MAPT: variants seen among roughly 807,000 people sequenced by gnomAD.
MAPT encodes microtubule associated protein tau.
A neutral mutation model predicts 67.9 loss-of-function variants in MAPT; 34 were observed. The ratio of observed to expected loss-of-function variants is 0.50; its 90% CI spans 0.38 to 0.67. The LOEUF is 0.67. Among genes scored for constraint, MAPT ranks in the 30% least tolerant of loss-of-function variants. MAPT has a pLI of 0.00. For synonymous variants in MAPT, 456 were observed against 464.5 expected (o/e 0.98, Z 0.23); for missense variants, 881 against 1,115.2 (o/e 0.79, Z 2.99).
chr17:45,929,473 T>C (rs540458772), intron 1 of MAPT, among the ~76,000 whole-genome samples: 1 of 152,354 alleles, frequency 6.6e-6, no homozygotes, highest in East Asian at 1.9e-4. Flanking sequence ...CCAGCTTAGG[T>C]ACAGCTGGAT....
At chr17:45,934,882 T>A (rs62061717) in intron 1 of MAPT, among the ~76,000 whole-genome samples, 21,743 of 151,826 alleles carry the variant, frequency 0.14, 2,119 homozygotes, top group Middle Eastern at 0.22. Flanking sequence ...CCTTTTTGAG[T>A]TTCCCCCCCG....
At chr17:45,917,640 A>C (rs1205728913) in intron 1 of MAPT, among the ~76,000 whole-genome samples, 2 of 152,174 alleles carry the variant, frequency 1.3e-5, no homozygotes, top group African/African-American at 4.8e-5. Context: ...GAAGTTAATA[A>C]GGTTTTTCTT....
At chr17:45,939,096 A>G (rs113537106) in intron 1 of MAPT, among the ~76,000 whole-genome samples, 21,810 of 152,050 alleles carry the variant, frequency 0.14, 2,140 homozygotes, top group Middle Eastern at 0.22. Flanking sequence ...TTACAGGTGT[A>G]AGCCAACATG....
rs1263837499 is a variant in MAPT, at chr17:46,018,597, CTT to C, written c.2174-20_2174-19del. 6.6e-7 allele frequency: 1 copy of C among 1,515,988 alleles called. No individual in the cohort carries two copies. Among genetic ancestry groups the C allele is most frequent in the African/African-American group, 1.4e-5 (1 of 72,926 alleles). 93.9% of individuals were successfully genotyped at this position (1,515,988 alleles called of 1,614,324 possible). ...CCACAGAAGATGATGGCAAGATGCT[CTT>C]GTGTGTGTTGTGTTCTAGGAGGTGG... On this transcript the variant is annotated intron_variant, in intron 11 of 12. Transcript: ENST00000262410.
chr17:45,983,226 G>GC lies in MAPT; in HGVS notation c.653dup (p.Gly219ArgfsTer18), dbSNP rs953116486. On this transcript the variant is annotated frameshift_variant, in exon 5 of 13. Transcript: ENST00000262410. LOFTEE classifies it high-confidence loss of function. Reference sequence around the variant, plus strand: ...CAGGAAGGCTTCCTCCGAGAGCCAGGCCCCCCAGGTCTGAGCCACCAGCTC... The same window carrying GC: ...CAGGAAGGCTTCCTCCGAGAGCCAGGCCCCCCCAGGTCTGAGCCACCAGCTC... The GC allele has an allele frequency of 6.4e-5, 103 of 1,606,150 alleles. No homozygotes were observed. Among genetic ancestry groups the GC allele is most frequent in the Non-Finnish European group, 8.4e-5 (99 of 1,176,744 alleles).
intron 12 of MAPT, among the ~76,000 whole-genome samples, chr17:46,021,514 G>T (rs1028502329): frequency 6.6e-6 from 1 of 152,172 alleles, no homozygotes; most frequent in Admixed American, 6.5e-5. Flanking sequence ...TGATTTCCTG[G>T]GTGAAAGGAG....
At chr17:45,899,122 C>T (rs2063462138) in intron 1 of MAPT, among the ~76,000 whole-genome samples, 1 of 152,172 alleles carries the variant, frequency 6.6e-6, no homozygotes, top group African/African-American at 2.4e-5. Context: ...TCCTCATGTT[C>T]CAGCAGGGAC....
chr17:45,991,827 C>T (rs998366134), intron 8 of MAPT, among the ~76,000 whole-genome samples: 3 of 150,956 alleles, frequency 2.0e-5, no homozygotes, highest in African/African-American at 7.3e-5. Context: ...TTTTGTTATC[C>T]AGGCCGGAGT....
intron 9 of MAPT, among the ~76,000 whole-genome samples, chr17:46,004,195 G>C (rs879269161): frequency 6.6e-5 from 10 of 152,204 alleles, no homozygotes; most frequent in Non-Finnish European, 1.3e-4. Context: ...GTGAGGCACG[G>C]ACGGGGCTGT....
intron 1 of MAPT, among the ~76,000 whole-genome samples, chr17:45,922,487 ACAC>A (rs1376502970): frequency 3.3e-5 from 1 of 30,274 alleles, no homozygotes; most frequent in African/African-American, 1.2e-4. Flanking sequence ...TAGCTAGAGA[ACAC>A]ACACACACAC....
intron 1 of MAPT, among the ~76,000 whole-genome samples, chr17:45,903,896 A>T (rs1405076074): frequency 1.7e-4 from 5 of 29,300 alleles, no homozygotes; most frequent in Middle Eastern, 0.017. Flanking sequence ...TTTATATATT[A>T]TATATATTTA....
At chr17:45,913,904 T>C (rs2064977329) in intron 1 of MAPT, among the ~76,000 whole-genome samples, 1 of 152,144 alleles carries the variant, frequency 6.6e-6, no homozygotes, top group Non-Finnish European at 1.5e-5. Context: ...CCTTGGGCTT[T>C]CATGATGCTC....
In MAPT at chr17:45,971,048, T is replaced by A. The variant is rs1598210096; in HGVS notation, c.134-811T>A. ...CCCTGGATACTGCATGATGCATTGA[T>A]AAGCCCATAAAATAACCAGGGCAGA... On this transcript the variant is annotated intron_variant, in intron 2 of 12. Coordinates refer to ENST00000262410, the MANE Select transcript of MAPT (RefSeq NM_001377265.1). The surrounding 1 kb of genome is among the most constrained non-coding windows in gnomAD (Gnocchi z 4.3). 6.6e-6 allele frequency among the ~76,000 whole-genome samples: 1 copy of A among 152,192 alleles called. No individual in the cohort carries two copies. The highest frequency in any genetic ancestry group is 1.5e-5 in the Non-Finnish European group (1 of 68,040).
Position 45,983,449 on chromosome 17 carries a change from G to C in MAPT, c.870G>C (p.Lys290Asn). Residue 290 changes from lysine (K) to asparagine (N), a missense_variant, in exon 5 of 13, where the codon AAG (lysine) becomes AAC (asparagine). Coordinates refer to ENST00000262410, the MANE Select transcript of MAPT (RefSeq NM_001377265.1). ...GAGGKERPGS[K>N]EEVDEDRDVD... ...GGGGCAAAGAGAGGCCGGGGAGCAAGGAGGAGGTGGATGAAGACCGCGACG... is the reference window on the plus strand; with the variant it reads ...GGGGCAAAGAGAGGCCGGGGAGCAACGAGGAGGTGGATGAAGACCGCGACG... The C allele has an allele frequency of 6.2e-7, 1 of 1,607,176 alleles. No individual in the cohort carries two copies. The highest frequency in any genetic ancestry group is 2.2e-5 in the East Asian group (1 of 44,734).
intron 1 of MAPT, among the ~76,000 whole-genome samples, chr17:45,946,317 T>C (rs772707741): frequency 1.4e-4 from 21 of 151,778 alleles, no homozygotes; most frequent in Non-Finnish European, 2.7e-4. Flanking sequence ...AAAAACAGTA[T>C]TGGGCCAGGC....
chr17:46,015,683 AAAAC>A (rs936495989), intron 11 of MAPT, among the ~76,000 whole-genome samples: 18 of 152,276 alleles, frequency 1.2e-4, no homozygotes, highest in African/African-American at 3.4e-4. Flanking sequence ...AACAAAAACA[AAAAC>A]AAACACACAA....
rs781038393 is a variant in MAPT, at chr17:46,014,296, C to T, written c.2145C>T (p.Gly715=). The T allele has an allele frequency of 1.9e-6, 3 of 1,613,982 alleles. No individual in the cohort carries two copies. The highest frequency in any genetic ancestry group is 2.5e-6 in the Non-Finnish European group (3 of 1,179,886). ...TGAGCAAGGTGACCTCCAAGTGTGG[C>T]TCATTAGGCAACATCCATCATAAAC... is the stretch of plus-strand genomic sequence containing the variant. ...VDLSKVTSKC[G]SLGNIHHKPG... The change falls in exon 11 of 13, where the codon GGC becomes GGT. Residue 715 remains glycine, a synonymous_variant. Coordinates refer to ENST00000262410, the MANE Select transcript of MAPT (RefSeq NM_001377265.1).
In MAPT at chr17:45,906,361, T is replaced by C. The variant is rs190578367; in HGVS notation, c.-18+11675T>C. ...ATTCTAATTATGCCTAGGAGCAGCC[T>C]CTCCCCACCACTCACAGTGTTTAGC... On this transcript the variant is annotated intron_variant, in intron 1 of 12. Coordinates refer to ENST00000262410, the MANE Select transcript of MAPT (RefSeq NM_001377265.1). This position sits in a 1 kb window ranked among gnomAD's most constrained non-coding sequence, Gnocchi z 4.3. 7.0e-4 allele frequency among the ~76,000 whole-genome samples: 106 copies of C among 152,246 alleles called. 2 individuals are homozygous for C. Among genetic ancestry groups the C allele is most frequent in the Middle Eastern group, 3.4e-3 (1 of 294 alleles).
At chr17:45,949,253 G>A (rs1598105193) in intron 1 of MAPT, among the ~76,000 whole-genome samples, 1 of 152,360 alleles carries the variant, frequency 6.6e-6, no homozygotes, top group East Asian at 1.9e-4. Flanking sequence ...CCCTAGCGAG[G>A]GCCGCAGCGC....
Sources: gnomAD v4.1 joint callset for allele counts (sites outside exome capture counted in the v4.1 genomes callset) on GRCh38, gnomAD v4.1.1 for gene constraint, Gnocchi (gnomAD v3.1) non-coding constraint, MANE v1.5 for transcripts, NCBI Gene and HGNC (gene_info 2026-07-23, HGNC 2026-07-21) for gene names.